Variants in TEX11 observed in about 807,000 individuals in gnomAD.
TEX11 encodes testis-expressed protein 11.
In TEX11, 7 loss-of-function variants were observed where a neutral mutation model predicts 84.4. That is an observed-to-expected ratio of 0.08 (90% CI 0.05 to 0.16). The LOEUF (loss-of-function observed/expected upper bound fraction) is 0.16. Ranked by LOEUF, TEX11 falls within the 10% of genes least tolerant of loss-of-function variation. TEX11 has a pLI of 1.00. For missense variants in TEX11, 551 were observed against 660.5 expected (o/e 0.83, Z 1.82); for synonymous variants, 264 against 222.8 (o/e 1.18, Z -1.64).
chrX:70,747,658 A>T (rs1200395460), intron 9 of TEX11, among the ~76,000 whole-genome samples: 4 of 112,077 alleles, frequency 3.6e-5, no homozygotes, highest in Non-Finnish European at 7.5e-5. Flanking sequence ...CGTCCAAAGA[A>T]TTTTTTAAAA....
At chrX:70,642,239 T>C (rs1188855290) in intron 17 of TEX11, among the ~76,000 whole-genome samples, 1 of 111,920 alleles carries the variant, frequency 8.9e-6, no homozygotes, top group Non-Finnish European at 1.9e-5. Context: ...AATCTCTGAA[T>C]AGATCAATAA....
chrX:70,609,098 T>G lies in TEX11; in HGVS notation c.1872A>C (p.Arg624=). The part of the protein sequence containing the change: ...ESRANEAQWF[R]KTAWNLAVQC... The stretch of plus-strand genomic sequence containing the variant: ...CACAGAATTTCCTCTTACCTGTTTT[T>G]CGAAACCACTGAGCTTCATTAGCTC... Residue 624 remains arginine, a synonymous_variant, in exon 22 of 30, where the codon CGA becomes CGC. Transcript: ENST00000374333. 1 of 1,201,873 alleles carries G rather than the reference T, an allele frequency of 8.3e-7. No homozygotes were observed. The highest frequency in any genetic ancestry group is 1.1e-6 in the Non-Finnish European group (1 of 890,705).
intron 17 of TEX11, among the ~76,000 whole-genome samples, chrX:70,635,995 C>T (rs2089567924): frequency 9.0e-6 from 1 of 111,712 alleles, no homozygotes. Flanking sequence ...ACCAAGGGTC[C>T]AAGCCAATTT....
rs1438857835 is a variant in TEX11 at position 70,730,189 on chromosome X, A to G, written c.844-4846T>C. 6.2e-5 allele frequency among the ~76,000 whole-genome samples: 7 copies of G among 112,106 alleles called. No individual in the cohort carries two copies. In the East Asian group the frequency reaches 1.9e-3, roughly 31 times the overall value. ...AACATGGAAAGGAACAACCGGTACA[A>G]GACACTGCAAAAACATGCCAAATTG... On this transcript the variant is annotated intron_variant, in intron 11 of 29. Transcript: ENST00000374333.
downstream of TEX11, among the ~76,000 whole-genome samples, chrX:70,524,153 G>A (rs764343698): frequency 1.8e-5 from 2 of 111,757 alleles, no homozygotes; most frequent in Admixed American, 1.9e-4. Flanking sequence ...TGCTATTAAC[G>A]GATCAATGTT....
intron 24 of TEX11, among the ~76,000 whole-genome samples, chrX:70,599,724 G>A (rs1012080927): frequency 1.1e-5 from 1 of 92,175 alleles, no homozygotes; most frequent in African/African-American, 4.2e-5. Flanking sequence ...CTGTGTCCAT[G>A]TGATCTCATT....
chrX:70,908,234 G>A (rs1042342988), intron 1 of TEX11, among the ~76,000 whole-genome samples: 1 of 111,409 alleles, frequency 9.0e-6, no homozygotes, highest in Non-Finnish European at 1.9e-5. Context: ...ACGTAATTTA[G>A]GTCCTTCAGC....
chrX:70,792,287 CAAAAAAAAAAAAAAAA>C (rs1167182936), intron 9 of TEX11, among the ~76,000 whole-genome samples: 5 of 1,810 alleles, frequency 2.8e-3, no homozygotes, highest in Non-Finnish European at 5.4e-3. Context: ...GGCTCTGTCT[CAAAAAAAAAAAAAAAA>C]AAAAAAAAAA....
At chrX:70,601,875 T>A (rs1383254193) in intron 24 of TEX11, among the ~76,000 whole-genome samples, 1 of 108,960 alleles carries the variant, frequency 9.2e-6, no homozygotes, top group East Asian at 2.9e-4. Flanking sequence ...ATCAACAGGA[T>A]CCCAAGGCAG....
At chrX:70,577,879 C>T (rs985578166) in intron 25 of TEX11, among the ~76,000 whole-genome samples, 5 of 110,364 alleles carry the variant, frequency 4.5e-5, no homozygotes, top group Non-Finnish European at 9.5e-5. Context: ...AGGTACCCAC[C>T]ACCACGCCAA....
intron 18 of TEX11, 73 bp downstream of exon 18, chrX:70,629,538 A>T: frequency 9.0e-7 from 1 of 1,109,676 alleles, no homozygotes. Flanking sequence ...TGTCTAACTG[A>T]TAATGATTCT....
chrX:70,656,960 T>C (rs1603200074), intron 16 of TEX11, among the ~76,000 whole-genome samples: 1 of 111,258 alleles, frequency 9.0e-6, no homozygotes, highest in African/African-American at 3.3e-5. Context: ...GAGAGTACAA[T>C]AAAAAACTGA....
At chrX:70,589,789 T>C (rs1040334202) in intron 25 of TEX11, among the ~76,000 whole-genome samples, 4 of 112,103 alleles carry the variant, frequency 3.6e-5, no homozygotes, top group African/African-American at 1.3e-4. Context: ...CCCAAAGTAC[T>C]GGGATTACAG....
the TEX11 span, among the ~76,000 whole-genome samples, chrX:70,520,104 G>A: frequency 0.15 from 16,396 of 111,280 alleles, 2,440 homozygotes; most frequent in African/African-American, 0.46. Context: ...CCGACCTTCC[G>A]AAGCCTAGTT....
chrX:70,908,036 G>A (rs949127259), intron 1 of TEX11, among the ~76,000 whole-genome samples: 2 of 111,326 alleles, frequency 1.8e-5, no homozygotes, highest in Non-Finnish European at 3.8e-5. Flanking sequence ...GGGGGAAATG[G>A]AGCTGAGTGG....
intron 16 of TEX11, among the ~76,000 whole-genome samples, chrX:70,653,258 A>G (rs2089829137): frequency 8.9e-6 from 1 of 111,971 alleles, no homozygotes; most frequent in South Asian, 3.7e-4. Context: ...TAAAAGCCAC[A>G]TATTGGGAAA....
intron 7 of TEX11, among the ~76,000 whole-genome samples, chrX:70,852,677 C>A (rs2091515056): frequency 8.9e-6 from 1 of 112,053 alleles, no homozygotes; most frequent in Admixed American, 9.5e-5. Flanking sequence ...AGAACAACTG[C>A]AAATGAGAAG....
intron 9 of TEX11, among the ~76,000 whole-genome samples, chrX:70,747,603 T>C (rs1465443080): frequency 2.7e-5 from 3 of 111,778 alleles, no homozygotes; most frequent in Admixed American, 9.6e-5. Context: ...GAGGCCCCAA[T>C]GTTGCACTTA....
At chrX:70,625,906 C>A (rs2089445900) in intron 18 of TEX11, among the ~76,000 whole-genome samples, 2 of 109,584 alleles carry the variant, frequency 1.8e-5, no homozygotes, top group African/African-American at 3.3e-5. Flanking sequence ...CGCCACTACG[C>A]CTGGCTAATT....
Sources: allele counts gnomAD v4.1 joint callset (sites outside exome capture counted in the v4.1 genomes callset), GRCh38; gene constraint gnomAD v4.1.1; transcripts MANE v1.5; gene names NCBI Gene and HGNC (gene_info 2026-07-23, HGNC 2026-07-21).